The following CAMK2B variants were observed in gnomAD, a reference collection of about 807,000 sequenced individuals.
The protein encoded by CAMK2B is calcium/calmodulin dependent protein kinase II beta.
Under a neutral mutation model 93.7 loss-of-function variants are expected in CAMK2B, and 27 were observed. The observed-to-expected ratio is 0.29, with a 90% confidence interval of 0.21 to 0.40. CAMK2B has a LOEUF of 0.40. CAMK2B is among the 10% of genes least tolerant of loss of function. The pLI is 1.00. For missense variants in CAMK2B, 568 were observed against 895.8 expected (o/e 0.63, Z 4.67); for synonymous variants, 374 against 358.8 (o/e 1.04, Z -0.48).
Position 44,217,318 on chromosome 7 carries a change from G to A in CAMK2B, c.*2207C>T. On this transcript the variant is annotated 3_prime_UTR_variant, in exon 24 of 24. Coordinates refer to ENST00000395749, the MANE Select transcript of CAMK2B (RefSeq NM_001220.5). ...GGGCAGCCGACCCCTTGCAGCGCTG[G>A]CCAGCGGCCGCCACCACCACACCGC... 6.6e-6 allele frequency: 1 copy of A among 152,498 alleles called. No homozygotes were observed. Among genetic ancestry groups the A allele is most frequent in the Non-Finnish European group, 1.5e-5 (1 of 68,036 alleles). The allele number at this position is 152,498 out of a possible 1,614,324, so 9.4% of individuals were successfully genotyped here.
At chr7:44,229,366 C>A in intron 18 of CAMK2B, 22 bp downstream of exon 18, 1 of 1,478,902 alleles carries the variant, frequency 6.8e-7, no homozygotes, top group South Asian at 1.3e-5. Flanking sequence ...ACCCCCACAG[C>A]AGCAGGACCC....
chr7:44,295,276 G>C (rs1171382589), intron 1 of CAMK2B, among the ~76,000 whole-genome samples: 1 of 152,250 alleles, frequency 6.6e-6, no homozygotes, highest in South Asian at 2.1e-4. Context: ...AAGCTTGGAA[G>C]TCATCACTCC....
rs537194603 is a variant in CAMK2B at position 44,226,605 on chromosome 7, C to A, written c.1508G>T (p.Gly503Val). ...ISDILNSVRR[G>V]SGTPEAEGPS... Reference sequence around the variant, plus strand: ...GCCCTCGGCTTCTGGGGTCCCTGAGCCCCTCCTCACAGAGTTCAGGATGTC... The same window carrying A: ...GCCCTCGGCTTCTGGGGTCCCTGAGACCCTCCTCACAGAGTTCAGGATGTC... The change falls in exon 20 of 24, where the codon GGC (glycine) becomes GTC (valine). Residue 503 changes from glycine (G) to valine (V), a missense_variant. Around this residue, in one of 4 missense-constraint regions of CAMK2B, gnomAD observed 308 missense variants for 292.1 expected, o/e 1.05. Transcript: ENST00000395749. 1.1e-5 allele frequency: 17 copies of A among 1,522,754 alleles called. No individual in the cohort carries two copies. The South Asian group carries it at 1.7e-4, about 15-fold the overall frequency. 94.3% of individuals were successfully genotyped at this position (1,522,754 alleles called of 1,614,324 possible).
chr7:44,303,529 C>T (rs964003703), intron 1 of CAMK2B, among the ~76,000 whole-genome samples: 5 of 152,068 alleles, frequency 3.3e-5, no homozygotes, highest in African/African-American at 9.7e-5. Flanking sequence ...AACAATGGTG[C>T]CAGAACAACT....
At chr7:44,310,794 GAATGGGGAGTCGGTATTT>G (rs1410020786) in intron 1 of CAMK2B, among the ~76,000 whole-genome samples, 1 of 152,148 alleles carries the variant, frequency 6.6e-6, no homozygotes, top group Non-Finnish European at 1.5e-5. Context: ...TGAGGGAAGG[GAATGGGGAGTCGGTATTT>G]AATGGGGACA....
chr7:44,236,945 C>G (rs570289685), intron 13 of CAMK2B, among the ~76,000 whole-genome samples: 5 of 152,348 alleles, frequency 3.3e-5, no homozygotes, highest in African/African-American at 1.2e-4. Flanking sequence ...GCTGAACAGG[C>G]AAGGAAGGGA....
At chr7:44,281,436 C>G (rs1313495175) in intron 2 of CAMK2B, among the ~76,000 whole-genome samples, 1 of 152,198 alleles carries the variant, frequency 6.6e-6, no homozygotes. Flanking sequence ...CGGAGAAAAT[C>G]TGGCCACCGC....
At chr7:44,283,246 G>A (rs1192769793) in intron 2 of CAMK2B, among the ~76,000 whole-genome samples, 1 of 152,266 alleles carries the variant, frequency 6.6e-6, no homozygotes, top group East Asian at 1.9e-4. Flanking sequence ...CAGATTTGCT[G>A]TGTGCTGATT....
At chr7:44,249,525 T>A (rs370367665) in intron 5 of CAMK2B, among the ~76,000 whole-genome samples, 6 of 152,156 alleles carry the variant, frequency 3.9e-5, no homozygotes, top group Non-Finnish European at 7.4e-5. Flanking sequence ...GGGAAGGGCA[T>A]AGATCTTGGG....
At chr7:44,238,007 G>A (rs1227946406) in intron 13 of CAMK2B, among the ~76,000 whole-genome samples, 1 of 152,230 alleles carries the variant, frequency 6.6e-6, no homozygotes, top group Non-Finnish European at 1.5e-5. Flanking sequence ...CTCTCTGCGG[G>A]CCGAGGGGGC....
intron 17 of CAMK2B, 131 bp from the exon 18 acceptor site, chr7:44,229,632 G>A: frequency 3.3e-6 from 1 of 300,834 alleles, no homozygotes; most frequent in South Asian, 3.8e-5. Flanking sequence ...TCCTGGGGTG[G>A]AGGTGGGGTG....
chr7:44,246,203 ACCTGTGT>A (rs948408117), intron 6 of CAMK2B, among the ~76,000 whole-genome samples: 26 of 151,474 alleles, frequency 1.7e-4, no homozygotes, highest in Non-Finnish European at 1.9e-4. Flanking sequence ...CAGCCCTGTC[ACCTGTGT>A]CCTCATCTGC....
chr7:44,299,596 C>T lies in CAMK2B; in HGVS notation c.66-15371G>A, dbSNP rs1300918011. Among the ~76,000 whole-genome samples the T allele has an allele frequency of 3.9e-5, 6 of 152,016 alleles. No homozygotes were observed. In the East Asian group the frequency reaches 9.6e-4, roughly 24 times the overall value. On this transcript the variant is annotated intron_variant, in intron 1 of 23. Coordinates refer to ENST00000395749, the MANE Select transcript of CAMK2B (RefSeq NM_001220.5). Reference sequence around the variant, plus strand: ...AATAAAAAGAATAATTTTGATTAGCCAAATCAAAATACATATAAGTGAACT... The same window carrying T: ...AATAAAAAGAATAATTTTGATTAGCTAAATCAAAATACATATAAGTGAACT...
At chr7:44,257,578 C>T (rs1242157754) in intron 4 of CAMK2B, among the ~76,000 whole-genome samples, 1 of 152,232 alleles carries the variant, frequency 6.6e-6, no homozygotes, top group African/African-American at 2.4e-5. Flanking sequence ...CTGGGGCACA[C>T]AGGTGTGGCA....
intron 8 of CAMK2B, 51 bp downstream of exon 8, chr7:44,243,199 G>A: frequency 7.2e-7 from 1 of 1,384,236 alleles, no homozygotes. Flanking sequence ...TAGGTGGGAA[G>A]TCCTGAAACA....
At chr7:44,289,298 C>G (rs1033484762) in intron 1 of CAMK2B, among the ~76,000 whole-genome samples, 2 of 152,190 alleles carry the variant, frequency 1.3e-5, no homozygotes, top group Non-Finnish European at 1.5e-5. Flanking sequence ...CACCTCTCCC[C>G]GGAGAGCTGG....
chr7:44,241,367 T>G lies in CAMK2B; in HGVS notation c.903+333A>C, dbSNP rs139929085. The stretch of plus-strand genomic sequence containing the variant: ...CTGAGCCGGAAGCTTCGGACTTGCT[T>G]GTACTAAACAGTGTGACTGCCAGAG... On this transcript the variant is annotated intron_variant, in intron 11 of 23. Coordinates refer to ENST00000395749, the MANE Select transcript of CAMK2B (RefSeq NM_001220.5). Among the ~76,000 whole-genome samples, 41 of 152,318 alleles carry G rather than the reference T, an allele frequency of 2.7e-4. No homozygotes were observed. The East Asian group carries it at 6.8e-3, about 25-fold the overall frequency.
chr7:44,244,930 G>A (rs967209143), intron 6 of CAMK2B: 5 of 456,086 alleles, frequency 1.1e-5, no homozygotes, highest in South Asian at 6.2e-5. Flanking sequence ...ACACGCATCC[G>A]TGTCCACCGA....
At chr7:44,324,835 G>A (rs1014500760) in intron 1 of CAMK2B, among the ~76,000 whole-genome samples, 1 of 152,084 alleles carries the variant, frequency 6.6e-6, no homozygotes, top group Non-Finnish European at 1.5e-5. Context: ...GCTCTCCCAC[G>A]CCGGCACCCC....
Sources: gnomAD v4.1 joint callset for allele counts (sites outside exome capture counted in the v4.1 genomes callset) on GRCh38, gnomAD v4.1.1 for gene constraint, gnomAD v4.1.1 regional missense constraint, MANE v1.5 for transcripts, NCBI Gene and HGNC (gene_info 2026-07-23, HGNC 2026-07-21) for gene names.